The following VPS13B variants were observed in gnomAD, a reference collection of about 807,000 sequenced individuals.
The protein encoded by VPS13B is intermembrane lipid transfer protein VPS13B.
VPS13B carries 285 observed loss-of-function variants against 426.4 expected under a neutral mutation model. That is an observed-to-expected ratio of 0.67 (90% CI 0.61 to 0.74). The LOEUF is 0.74. Among genes scored for constraint, VPS13B ranks in the 30% least tolerant of loss-of-function variants. VPS13B has a pLI of 0.00. For synonymous variants in VPS13B, 1,676 were observed against 1,676.4 expected (o/e 1.00, Z 0.01); for missense variants, 4,537 against 4,782.6 (o/e 0.95, Z 1.51).
In VPS13B at chr8:99,168,854, T is replaced by C. The variant is rs565420164; in HGVS notation, c.2209-1185T>C. On this transcript the variant is annotated intron_variant, in intron 15 of 61. Coordinates refer to ENST00000357162, the MANE Select transcript of VPS13B (RefSeq NM_152564.5). ...CATAAGTAGGTTCTTTGAAATGCAG[T>C]TTTCCTTGAAAATGTAATTTTAAAA... Among the ~76,000 whole-genome samples the C allele has an allele frequency of 3.9e-5, 6 of 152,122 alleles. No individual in the cohort carries two copies. In the East Asian group the frequency reaches 1.2e-3, roughly 29 times the overall value.
intron 54 of VPS13B, among the ~76,000 whole-genome samples, chr8:99,847,965 T>A (rs1816065574): frequency 1.3e-5 from 2 of 152,186 alleles, no homozygotes. Flanking sequence ...GAATTGATAC[T>A]GCAAATCATC....
intron 33 of VPS13B, among the ~76,000 whole-genome samples, chr8:99,606,451 G>T (rs1827577087): frequency 7.1e-6 from 1 of 141,278 alleles, no homozygotes; most frequent in Non-Finnish European, 1.5e-5. Context: ...GATCACTTAA[G>T]CTCAGGAATT....
intron 19 of VPS13B, among the ~76,000 whole-genome samples, chr8:99,354,462 T>G (rs1223978947): frequency 6.6e-6 from 1 of 151,574 alleles, no homozygotes; most frequent in African/African-American, 2.4e-5. Flanking sequence ...GTGCCTGGAA[T>G]TTATATAATT....
At chr8:99,325,199 C>T (rs918652098) in intron 19 of VPS13B, among the ~76,000 whole-genome samples, 4 of 152,286 alleles carry the variant, frequency 2.6e-5, no homozygotes, top group African/African-American at 9.6e-5. Context: ...AGTTCTCTCA[C>T]CTGGGCCCCC....
At chr8:99,258,792 A>G (rs1817893854) in intron 17 of VPS13B, among the ~76,000 whole-genome samples, 1 of 152,098 alleles carries the variant, frequency 6.6e-6, no homozygotes, top group Non-Finnish European at 1.5e-5. Context: ...AGATAAAAGC[A>G]ATCATAGTCA....
chr8:99,557,811 G>A (rs891656343), intron 31 of VPS13B, among the ~76,000 whole-genome samples: 6 of 152,082 alleles, frequency 3.9e-5, no homozygotes, highest in African/African-American at 7.2e-5. Flanking sequence ...GGTTCTCATC[G>A]GAGAAATAGG....
chr8:99,549,725 C>T (rs1247268271), intron 30 of VPS13B, among the ~76,000 whole-genome samples: 1 of 152,086 alleles, frequency 6.6e-6, no homozygotes. Context: ...GGCTGGAAAC[C>T]TCCATGCCTT....
At chr8:99,625,704 A>G (rs1286284267) in intron 33 of VPS13B, among the ~76,000 whole-genome samples, 2 of 151,310 alleles carry the variant, frequency 1.3e-5, no homozygotes, top group Non-Finnish European at 2.9e-5. Context: ...AAATTAGCGA[A>G]GTATAGTGGC....
At chr8:99,577,657 A>C (rs1332048349) in intron 33 of VPS13B, 24 bp downstream of exon 33, 3 of 1,612,416 alleles carry the variant, frequency 1.9e-6, no homozygotes, top group Non-Finnish European at 2.5e-6. Context: ...GATTTTGATC[A>C]GGCTTACTGC....
intron 44 of VPS13B, among the ~76,000 whole-genome samples, chr8:99,816,110 T>C (rs371275351): frequency 1.4e-4 from 14 of 103,632 alleles, no homozygotes; most frequent in Non-Finnish European, 2.1e-4. Context: ...CTCTCTCTCT[T>C]TTTTTTTTTT....
intron 30 of VPS13B, among the ~76,000 whole-genome samples, chr8:99,528,084 A>G (rs1430511611): frequency 6.6e-6 from 1 of 152,076 alleles, no homozygotes; most frequent in African/African-American, 2.4e-5. Flanking sequence ...AAGTCTCAGA[A>G]CCTTGAGCCA....
intron 17 of VPS13B, among the ~76,000 whole-genome samples, chr8:99,248,099 T>C (rs1262048314): frequency 6.6e-6 from 1 of 152,224 alleles, no homozygotes; most frequent in Non-Finnish European, 1.5e-5. Context: ...ACCACTTAGC[T>C]TCCAGTGCTC....
At chr8:99,082,854 G>C (rs1213320153) in intron 3 of VPS13B, among the ~76,000 whole-genome samples, 5 of 152,118 alleles carry the variant, frequency 3.3e-5, no homozygotes, top group Non-Finnish European at 7.3e-5. Context: ...ATGCTGTTTT[G>C]CTTACTGTAG....
intron 36 of VPS13B, among the ~76,000 whole-genome samples, chr8:99,702,183 A>G (rs1832308988): frequency 6.6e-6 from 1 of 152,316 alleles, no homozygotes; most frequent in Middle Eastern, 3.4e-3. Flanking sequence ...ACCAGTAGTC[A>G]TATTTCTTTT....
chr8:99,141,030 G>A (rs755222692), intron 12 of VPS13B, among the ~76,000 whole-genome samples: 3 of 152,144 alleles, frequency 2.0e-5, no homozygotes, highest in Non-Finnish European at 2.9e-5. Flanking sequence ...AGCTGAAATT[G>A]TAATGTACAA....
At chr8:99,718,330 C>A (rs1165143816) in intron 37 of VPS13B, among the ~76,000 whole-genome samples, 1 of 151,904 alleles carries the variant, frequency 6.6e-6, no homozygotes, top group East Asian at 1.9e-4. Context: ...AAGTAGTCAA[C>A]CTGTTGCAAG....
At chr8:99,083,312 C>G (rs1241285470) in intron 3 of VPS13B, among the ~76,000 whole-genome samples, 1 of 152,110 alleles carries the variant, frequency 6.6e-6, no homozygotes, top group African/African-American at 2.4e-5. Flanking sequence ...GATTTTGTAT[C>G]CTGAGACTTT....
In VPS13B at chr8:99,835,211, C is replaced by G; in HGVS notation, c.9629C>G (p.Thr3210Arg). The G allele has an allele frequency of 6.2e-7, 1 of 1,613,936 alleles. No individual in the cohort carries two copies. Among genetic ancestry groups the G allele is most frequent in the Non-Finnish European group, 8.5e-7 (1 of 1,179,960 alleles). Residue 3210 changes from threonine to arginine, a missense_variant, in exon 53 of 62, where the codon ACA (threonine) becomes AGA (arginine). Physicochemically the swap from Thr to Arg is moderately conservative, Grantham distance 71. This residue lies in a region of VPS13B where 4,311 missense variants were observed against 4,474.3 expected (regional missense o/e 0.96). Transcript: ENST00000357162. Reference sequence around the variant, plus strand: ...TTCTCTTCCAGGGCTATAGTGCTGACATATCAAGAACACCTCGGAGTGACT... The same window carrying G: ...TTCTCTTCCAGGGCTATAGTGCTGAGATATCAAGAACACCTCGGAGTGACT... ...NGFCTRAIVL[T>R]YQEHLGVTYL...
intron 27 of VPS13B, among the ~76,000 whole-genome samples, chr8:99,505,756 T>C (rs934712740): frequency 6.6e-6 from 1 of 152,206 alleles, no homozygotes; most frequent in African/African-American, 2.4e-5. Flanking sequence ...ATGGATTTAC[T>C]CAATGTAAGG....
Sources: gnomAD v4.1 joint callset for allele counts (sites outside exome capture counted in the v4.1 genomes callset) on GRCh38, gnomAD v4.1.1 for gene constraint, gnomAD v4.1.1 regional missense constraint, MANE v1.5 for transcripts, NCBI Gene and HGNC (gene_info 2026-07-23, HGNC 2026-07-21) for gene names.